The following DTL variants were observed in gnomAD, a reference collection of about 807,000 sequenced individuals.
DTL encodes the protein denticleless protein homolog.
A neutral mutation model predicts 87.0 loss-of-function variants in DTL; 46 were observed. That is an observed-to-expected ratio of 0.53 (90% CI 0.42 to 0.68). The LOEUF is 0.68. Among genes scored for constraint, DTL ranks in the 30% least tolerant of loss-of-function variants. The probability of loss-of-function intolerance (pLI) is 0.00; values close to 1 mark genes in which losing one functional copy is unlikely to be tolerated. For missense variants in DTL, 737 were observed against 869.4 expected, an observed-to-expected ratio of 0.85 and a Z score of 1.91; for synonymous variants, 308 against 311.2, an observed-to-expected ratio of 0.99 and a Z score of 0.11.
At chr1:212,070,083 A>G (rs116686022) in intron 10 of DTL, among the ~76,000 whole-genome samples, 1,692 of 152,286 alleles carry the variant, frequency 0.011, 31 homozygotes, top group African/African-American at 0.038. Flanking sequence ...GTCAAATAAA[A>G]TAGACTTTTC....
At chr1:212,086,062 TTTC>T (rs202144190) in intron 13 of DTL, among the ~76,000 whole-genome samples, 2,557 of 152,322 alleles carry the variant, frequency 0.017, 22 homozygotes, top group Non-Finnish European at 0.021. Flanking sequence ...CTACTTCTGT[TTTC>T]TTCTTTTATT....
At chr1:212,039,558 G>A (rs1457945141) in intron 1 of DTL, among the ~76,000 whole-genome samples, 1 of 152,134 alleles carries the variant, frequency 6.6e-6, no homozygotes, top group Non-Finnish European at 1.5e-5. Context: ...TTTTAGAAAT[G>A]CGTATATAGT....
intron 5 of DTL, among the ~76,000 whole-genome samples, chr1:212,062,237 A>C (rs1654348364): frequency 6.6e-6 from 1 of 152,214 alleles, no homozygotes; most frequent in Non-Finnish European, 1.5e-5. Context: ...GATTAGTTTA[A>C]GTGCTCACTC....
chr1:212,080,412 A>G (rs372424762), intron 12 of DTL: 4 of 475,392 alleles, frequency 8.4e-6, no homozygotes, highest in South Asian at 7.4e-5. Context: ...AGAATAAACT[A>G]AAGAGTCAGC....
At chr1:212,067,145 A>G (rs552484441) in intron 8 of DTL, among the ~76,000 whole-genome samples, 1 of 152,374 alleles carries the variant, frequency 6.6e-6, no homozygotes, top group Admixed American at 6.5e-5. Context: ...TGCTGTTGCT[A>G]TCTTAGAAAA....
At position 212,101,060 on chromosome 1, in the gene DTL, G is replaced by T. The variant is rs756637344; in HGVS notation, c.2070G>T (p.Gln690His). 5 of 1,610,066 alleles carry T rather than the reference G, an allele frequency of 3.1e-6. No individual in the cohort carries two copies. The highest frequency in any genetic ancestry group is 4.2e-6 in the Non-Finnish European group (5 of 1,178,240). ...PSSQTPNSRR[Q>H]SGKKLPSPVT... ...CCCAGACACCCAATTCCAGGAGACA[G>T]AGCGGAAAGAAATTGCCAAGCCCGG... Residue 690 changes from glutamine to histidine, a missense_variant, in exon 14 of 15, where the codon CAG becomes CAT. Transcript: ENST00000366991.
At chr1:212,042,829 C>G in intron 1 of DTL, among the ~76,000 whole-genome samples, 164 bp from the exon 2 acceptor site, 1 of 152,108 alleles carries the variant, frequency 6.6e-6, no homozygotes, top group East Asian at 1.9e-4. Context: ...CCTTAGGACT[C>G]CTTAATGAAA....
intron 13 of DTL, among the ~76,000 whole-genome samples, chr1:212,089,330 G>A (rs1384255951): frequency 6.6e-6 from 1 of 152,124 alleles, no homozygotes; most frequent in African/African-American, 2.4e-5. Context: ...TAAAAATAAT[G>A]CAATGCATCT....
chr1:212,071,545 G>C (rs993506733), intron 10 of DTL, among the ~76,000 whole-genome samples: 3 of 152,054 alleles, frequency 2.0e-5, no homozygotes, highest in African/African-American at 7.2e-5. Context: ...TCCCACATAA[G>C]CTATTAGTAA....
intron 5 of DTL, chr1:212,052,060 A>G (rs1668001997): frequency 1.0e-6 from 1 of 971,272 alleles, no homozygotes; most frequent in Admixed American, 1.7e-5. Context: ...CTGGATATGA[A>G]ATTCTGGGTC....
At position 212,044,970 on chromosome 1, in the gene DTL, C is replaced by T. The variant is rs146723301; in HGVS notation, c.277+212C>T. Reference sequence around the variant, plus strand: ...TCTGGTGAAGGCCTCAGGCTGCCCCCACTCCTGGCAGAAGGCAAAGAGGAG... The same window carrying T: ...TCTGGTGAAGGCCTCAGGCTGCCCCTACTCCTGGCAGAAGGCAAAGAGGAG... On this transcript the variant is annotated intron_variant, in intron 3 of 14. Transcript: ENST00000366991. Among the ~76,000 whole-genome samples, 194 of 152,300 alleles carry T rather than the reference C, an allele frequency of 1.3e-3. 3 individuals are homozygous for T. The East Asian group carries it at 0.034, about 26-fold the overall frequency.
Position 212,066,836 on chromosome 1 carries a change from G to A in DTL, c.664G>A (p.Val222Ile). 6.2e-7 allele frequency: 1 copy of A among 1,613,898 alleles called. No homozygotes were observed. Among genetic ancestry groups the A allele is most frequent in the African/African-American group, 1.3e-5 (1 of 75,038 alleles). Residue 222 changes from valine (V) to isoleucine (I), a missense_variant, in exon 8 of 15, where the codon GTC (valine) becomes ATC (isoleucine). By Grantham distance (29) the Val-to-Ile change is conservative (BLOSUM62 3). Transcript: ENST00000366991. ...SVDFQQSVTVVLFQDENTLVS... is the reference protein window; with the variant it reads ...SVDFQQSVTVILFQDENTLVS... ...GGATTTCCAGCAAAGTGTTACTGTG[G>A]TCCTCTTTCAAGACGAGAATACCTT... is the stretch of plus-strand genomic sequence containing the variant.
chr1:212,093,961 G>A (rs192576755), intron 13 of DTL, among the ~76,000 whole-genome samples: 175 of 152,144 alleles, frequency 1.2e-3, no homozygotes, highest in African/African-American at 3.9e-3. Context: ...CAGCACTCCC[G>A]TATCAATTTT....
intron 13 of DTL, among the ~76,000 whole-genome samples, chr1:212,094,061 C>T (rs928432732): frequency 2.0e-5 from 3 of 152,178 alleles, no homozygotes; most frequent in African/African-American, 7.2e-5. Flanking sequence ...TCTTTGTTTA[C>T]TTTGCTGATT....
intron 6 of DTL, among the ~76,000 whole-genome samples, chr1:212,063,610 T>A (rs1195039077): frequency 6.6e-6 from 1 of 152,128 alleles, no homozygotes; most frequent in African/African-American, 2.4e-5. Context: ...AGAATTAGAT[T>A]GAATTAAACA....
chr1:212,036,223 T>G (rs1323387601), intron 1 of DTL, among the ~76,000 whole-genome samples: 1 of 152,222 alleles, frequency 6.6e-6, no homozygotes, highest in East Asian at 1.9e-4. Flanking sequence ...CATTGCGCGT[T>G]AACGGGAAAA....
At chr1:212,086,603 T>G (rs1219126126) in intron 13 of DTL, among the ~76,000 whole-genome samples, 2 of 9,830 alleles carry the variant, frequency 2.0e-4, no homozygotes, top group South Asian at 2.4e-3. Flanking sequence ...TTGCCCAGGC[T>G]GGGCTCAACT....
chr1:212,094,436 CTCTGT>C (rs1219889106), intron 13 of DTL, among the ~76,000 whole-genome samples: 1 of 152,136 alleles, frequency 6.6e-6, no homozygotes, highest in Non-Finnish European at 1.5e-5. Flanking sequence ...TTTCTGGGTT[CTCTGT>C]TCTATTGCAT....
intron 2 of DTL, among the ~76,000 whole-genome samples, chr1:212,043,930 C>CTTT (rs1375857616): frequency 1.2e-3 from 181 of 151,918 alleles, no homozygotes; most frequent in African/African-American, 4.1e-3. Context: ...TAATAGACTC[C>CTTT]TTATAAAAAT....
Sources: allele counts gnomAD v4.1 joint callset (sites outside exome capture counted in the v4.1 genomes callset), GRCh38; gene constraint gnomAD v4.1.1; transcripts MANE v1.5; gene names NCBI Gene and HGNC (gene_info 2026-07-23, HGNC 2026-07-21).